The following MKX variants were observed in gnomAD, a reference collection of about 807,000 sequenced individuals.
The protein encoded by MKX is homeobox protein Mohawk.
MKX carries 13 observed loss-of-function variants against 36.0 expected under a neutral mutation model. The ratio of observed to expected loss-of-function variants is 0.36; its 90% CI spans 0.24 to 0.57. The LOEUF (loss-of-function observed/expected upper bound fraction) is 0.57. MKX is among the 20% of genes least tolerant of loss of function. The pLI, the probability that MKX is intolerant of heterozygous loss-of-function variation, is 0.79. For synonymous variants in MKX, 176 were observed against 178.3 expected (o/e 0.99, Z 0.10); for missense variants, 458 against 456.4 (o/e 1.00, Z -0.03).
intron 5 of MKX, among the ~76,000 whole-genome samples, chr10:27,729,197 T>G (rs1834562188): frequency 6.6e-6 from 1 of 152,178 alleles, no homozygotes; most frequent in Non-Finnish European, 1.5e-5. Flanking sequence ...AAAATGAAGT[T>G]TAAACATTCA....
intron 5 of MKX, among the ~76,000 whole-genome samples, chr10:27,706,016 A>C (rs1447578484): frequency 6.6e-6 from 1 of 152,158 alleles, no homozygotes; most frequent in African/African-American, 2.4e-5. Flanking sequence ...CTTGATATTC[A>C]TTAAACTATC....
chr10:27,729,098 C>A (rs1224297919), intron 5 of MKX, among the ~76,000 whole-genome samples: 1 of 152,196 alleles, frequency 6.6e-6, no homozygotes, highest in African/African-American at 2.4e-5. Flanking sequence ...CCGATTAATT[C>A]ATACTAACAT....
intron 3 of MKX, among the ~76,000 whole-genome samples, chr10:27,735,910 A>C (rs1193621140): frequency 6.6e-6 from 1 of 152,212 alleles, no homozygotes; most frequent in Non-Finnish European, 1.5e-5. Flanking sequence ...GGGAAGAGTT[A>C]AAGATGACCT....
At chr10:27,690,907 C>T (rs960856257) in intron 5 of MKX, among the ~76,000 whole-genome samples, 2 of 152,092 alleles carry the variant, frequency 1.3e-5, no homozygotes, top group African/African-American at 4.8e-5. Flanking sequence ...GGGGTGGTTT[C>T]CCCCATGCTG....
At chr10:27,719,667 A>G (rs1173064182) in intron 5 of MKX, among the ~76,000 whole-genome samples, 1 of 152,136 alleles carries the variant, frequency 6.6e-6, no homozygotes, top group Non-Finnish European at 1.5e-5. Flanking sequence ...CACCAAACTT[A>G]AAAGAAAAAC....
At chr10:27,733,944 C>T (rs968555082) in intron 5 of MKX, among the ~76,000 whole-genome samples, 2 of 152,166 alleles carry the variant, frequency 1.3e-5, no homozygotes, top group African/African-American at 4.8e-5. Context: ...TTCACAAAAG[C>T]TTGACACCCT....
intron 5 of MKX, among the ~76,000 whole-genome samples, chr10:27,696,936 A>C (rs774865404): frequency 6.6e-6 from 1 of 152,140 alleles, no homozygotes; most frequent in African/African-American, 2.4e-5. Context: ...GTTGGTAAGA[A>C]TTTTCTGTGA....
chr10:27,711,718 C>T (rs112354851), intron 5 of MKX, among the ~76,000 whole-genome samples: 3,625 of 150,354 alleles, frequency 0.024, 154 homozygotes, highest in African/African-American at 0.084. Flanking sequence ...AAACTACAGG[C>T]GCCCACCGCC....
intron 5 of MKX, among the ~76,000 whole-genome samples, chr10:27,685,683 C>CT (rs762320896): frequency 6.6e-6 from 1 of 152,158 alleles, no homozygotes; most frequent in African/African-American, 2.4e-5. Context: ...ATCTCCTAAC[C>CT]TTGTGATCCA....
At chr10:27,677,786 G>A (rs901262125) in intron 5 of MKX, among the ~76,000 whole-genome samples, 3 of 152,220 alleles carry the variant, frequency 2.0e-5, no homozygotes, top group Non-Finnish European at 4.4e-5. Context: ...ACAAGTGTTA[G>A]TTCCTTTGGT....
Position 27,683,007 on chromosome 10 carries a change from G to C in MKX, c.839-7453C>G, listed in dbSNP as rs1281345388. ...TCGAAAAAAAAAAAAGAAAAGAAAA[G>C]AAAAGAAAAAGAAGCGCACAACTAC... On this transcript the variant is annotated intron_variant, in intron 5 of 6. Transcript: ENST00000419761. Among the ~76,000 whole-genome samples the C allele has an allele frequency of 2.6e-5, 4 of 151,704 alleles. No homozygotes were observed. The East Asian group carries it at 7.7e-4, about 29-fold the overall frequency.
intron 5 of MKX, among the ~76,000 whole-genome samples, chr10:27,716,436 C>CAAAAAAAAA (rs56913373): frequency 7.8e-6 from 1 of 127,674 alleles, no homozygotes; most frequent in Admixed American, 8.6e-5. Context: ...AAAAAAAAAG[C>CAAAAAAAAA]AAAAAAAAAA....
chr10:27,713,647 T>C (rs969783731), intron 5 of MKX, among the ~76,000 whole-genome samples: 3 of 152,126 alleles, frequency 2.0e-5, no homozygotes, highest in African/African-American at 7.2e-5. Flanking sequence ...CATAGAGTTA[T>C]AATGAGGATC....
chr10:27,731,946 A>G (rs1326522031), intron 5 of MKX, among the ~76,000 whole-genome samples: 1 of 151,860 alleles, frequency 6.6e-6, no homozygotes, highest in Non-Finnish European at 1.5e-5. Flanking sequence ...TTTTAAAATA[A>G]AAGATTACCA....
At chr10:27,722,602 C>T (rs1362588268) in intron 5 of MKX, among the ~76,000 whole-genome samples, 1 of 152,220 alleles carries the variant, frequency 6.6e-6, no homozygotes, top group African/African-American at 2.4e-5. Flanking sequence ...GCATTGCTCT[C>T]TGCTCTGTCC....
At chr10:27,688,889 G>T (rs931958786) in intron 5 of MKX, among the ~76,000 whole-genome samples, 1 of 152,120 alleles carries the variant, frequency 6.6e-6, no homozygotes, top group Non-Finnish European at 1.5e-5. Flanking sequence ...ATATACAGCT[G>T]AATGGTGTTA....
chr10:27,682,901 C>T (rs1048009601), intron 5 of MKX, among the ~76,000 whole-genome samples: 1 of 151,880 alleles, frequency 6.6e-6, no homozygotes, highest in African/African-American at 2.4e-5. Flanking sequence ...ATCGCTTGAA[C>T]CTGGGAGGCA....
intron 5 of MKX, among the ~76,000 whole-genome samples, chr10:27,685,933 G>A (rs1055602094): frequency 6.6e-6 from 1 of 152,138 alleles, no homozygotes; most frequent in Non-Finnish European, 1.5e-5. Context: ...ATCATTCTAA[G>A]TGATATTTGC....
chr10:27,677,661 G>T (rs181448983), intron 5 of MKX, among the ~76,000 whole-genome samples: 5 of 152,142 alleles, frequency 3.3e-5, no homozygotes, highest in African/African-American at 1.2e-4. Flanking sequence ...AACCCTTCAC[G>T]TAAGGAACTT....
Sources: allele counts gnomAD v4.1 joint callset (sites outside exome capture counted in the v4.1 genomes callset), GRCh38; gene constraint gnomAD v4.1.1; transcripts MANE v1.5; gene names NCBI Gene and HGNC (gene_info 2026-07-23, HGNC 2026-07-21).